The following GPM6B variants were observed in gnomAD, a reference collection of about 807,000 sequenced individuals.
GPM6B encodes neuronal membrane glycoprotein M6-b.
Under a neutral mutation model 27.2 loss-of-function variants are expected in GPM6B, and 4 were observed. That is an observed-to-expected ratio of 0.15 (90% CI 0.07 to 0.34). GPM6B has a LOEUF of 0.34. Ranked by LOEUF, GPM6B falls within the 10% of genes least tolerant of loss-of-function variation. GPM6B has a pLI of 1.00. For synonymous variants in GPM6B, 124 were observed against 103.1 expected (o/e 1.20, Z -1.23); for missense variants, 183 against 261.9 (o/e 0.70, Z 2.08).
intron 1 of GPM6B, among the ~76,000 whole-genome samples, chrX:13,937,785 G>A (rs1019277922): frequency 9.0e-6 from 1 of 111,495 alleles, no homozygotes; most frequent in Non-Finnish European, 1.9e-5. Context: ...CCAGGTTGGA[G>A]ATTTCAGATT....
intron 1 of GPM6B, among the ~76,000 whole-genome samples, chrX:13,832,496 C>T: frequency 9.0e-6 from 1 of 111,619 alleles, no homozygotes; most frequent in Admixed American, 9.6e-5. Context: ...CTAAAGTCTA[C>T]AGAAAACCAG....
chrX:13,898,085 G>T (rs1306545355), intron 1 of GPM6B, among the ~76,000 whole-genome samples: 1 of 111,627 alleles, frequency 9.0e-6, no homozygotes, highest in African/African-American at 3.3e-5. Flanking sequence ...AGGAGAGAGG[G>T]TATCTGTATT....
chrX:13,925,976 A>G (rs979528262), intron 1 of GPM6B, among the ~76,000 whole-genome samples: 5 of 106,765 alleles, frequency 4.7e-5, no homozygotes, highest in Non-Finnish European at 9.6e-5. Context: ...AATGGCGTGA[A>G]CCCAGGAGGC....
intron 2 of GPM6B, among the ~76,000 whole-genome samples, chrX:13,787,540 G>A (rs1029563592): frequency 1.6e-3 from 181 of 111,851 alleles, no homozygotes; most frequent in Non-Finnish European, 1.5e-3. Flanking sequence ...CTGGGCGACA[G>A]AGCAAGACTC....
At chrX:13,871,473 G>A (rs1262768261) in intron 1 of GPM6B, among the ~76,000 whole-genome samples, 1 of 112,116 alleles carries the variant, frequency 8.9e-6, no homozygotes, top group Non-Finnish European at 1.9e-5. Context: ...GCTCATGTGA[G>A]CCAGGGATGA....
At chrX:13,859,882 A>G (rs1443063268) in intron 1 of GPM6B, among the ~76,000 whole-genome samples, 1 of 112,002 alleles carries the variant, frequency 8.9e-6, no homozygotes, top group African/African-American at 3.2e-5. Flanking sequence ...TAGTGCTGGA[A>G]AGTAAGGATG....
At position 13,850,247 on chromosome X, in the gene GPM6B, T is replaced by C. The variant is rs1603078770; in HGVS notation, c.-197-64439A>G. 3.6e-5 allele frequency among the ~76,000 whole-genome samples: 4 copies of C among 111,686 alleles called. No individual in the cohort carries two copies. The South Asian group carries it at 1.5e-3, about 42-fold the overall frequency. ...AGGGAGTGAGTGGGTTCTTCCTCTG[T>C]TAGCTCCTGAGAGAGCTGGTTGTTA... On this transcript the variant is annotated intron_variant, in intron 1 of 6. Transcript: ENST00000398361.
At chrX:13,810,734 A>C (rs1185815360) in intron 1 of GPM6B, among the ~76,000 whole-genome samples, 1 of 103,804 alleles carries the variant, frequency 9.6e-6, no homozygotes, top group African/African-American at 3.6e-5. Flanking sequence ...AAGACCCTTA[A>C]TTCAGGATTT....
intron 1 of GPM6B, among the ~76,000 whole-genome samples, chrX:13,890,945 C>T (rs766396240): frequency 5.4e-5 from 6 of 110,715 alleles, no homozygotes; most frequent in East Asian, 5.7e-4. Flanking sequence ...CCATCTGAGG[C>T]GTTTAAAAAA....
chrX:13,794,608 C>T (rs1210789262), intron 2 of GPM6B, among the ~76,000 whole-genome samples: 1 of 111,895 alleles, frequency 8.9e-6, no homozygotes, highest in Non-Finnish European at 1.9e-5. Context: ...ACTGCTGATG[C>T]CTGAGCGTGA....
intron 1 of GPM6B, among the ~76,000 whole-genome samples, chrX:13,900,744 A>C (rs766514912): frequency 2.7e-4 from 30 of 112,202 alleles, no homozygotes; most frequent in Admixed American, 2.0e-3. Context: ...TCTCTAAAAA[A>C]AGCGGGATCT....
chrX:13,813,526 G>T (rs1450553748), intron 1 of GPM6B, among the ~76,000 whole-genome samples: 1 of 111,681 alleles, frequency 9.0e-6, no homozygotes, highest in East Asian at 2.8e-4. Flanking sequence ...TGTTTCAGTA[G>T]AATTCAATTA....
At chrX:13,850,760 G>T (rs2049706121) in intron 1 of GPM6B, among the ~76,000 whole-genome samples, 1 of 112,200 alleles carries the variant, frequency 8.9e-6, no homozygotes, top group African/African-American at 3.2e-5. Context: ...TAGTCTTTAG[G>T]ACATGCAATG....
intron 1 of GPM6B, among the ~76,000 whole-genome samples, chrX:13,870,724 T>A (rs2049966374): frequency 8.9e-6 from 1 of 112,042 alleles, no homozygotes; most frequent in Non-Finnish European, 1.9e-5. Context: ...AACATGTGTG[T>A]GAAGAAAAGT....
At chrX:13,828,047 C>T (rs1287140091) in intron 1 of GPM6B, among the ~76,000 whole-genome samples, 6 of 111,321 alleles carry the variant, frequency 5.4e-5, no homozygotes, top group African/African-American at 2.0e-4. Flanking sequence ...TCCACCCCTC[C>T]TACAGTGCTC....
chrX:13,774,260 G>T, intron 7 of GPM6B: 1 of 828,076 alleles, frequency 1.2e-6, no homozygotes, highest in Non-Finnish European at 1.5e-6. Flanking sequence ...TAAAGATACT[G>T]CTCTCTAATG....
chrX:13,879,467 G>A (rs887950218), intron 1 of GPM6B, among the ~76,000 whole-genome samples: 1 of 112,055 alleles, frequency 8.9e-6, no homozygotes, highest in Non-Finnish European at 1.9e-5. Context: ...TGTTAAATTC[G>A]ACTCAGGGAG....
chrX:13,862,018 G>A (rs1169485910), intron 1 of GPM6B, among the ~76,000 whole-genome samples: 2 of 111,284 alleles, frequency 1.8e-5, no homozygotes, highest in Non-Finnish European at 3.8e-5. Flanking sequence ...TCTAAAGGTA[G>A]AGGTGAGTGT....
chrX:13,842,273 G>A (rs1569251993), intron 1 of GPM6B, among the ~76,000 whole-genome samples: 1 of 112,080 alleles, frequency 8.9e-6, no homozygotes, highest in Non-Finnish European at 1.9e-5. Flanking sequence ...TAAAATAAAA[G>A]TGTAATTTTC....
Sources: gnomAD v4.1 joint callset for allele counts (sites outside exome capture counted in the v4.1 genomes callset) on GRCh38, gnomAD v4.1.1 for gene constraint, MANE v1.5 for transcripts, NCBI Gene and HGNC (gene_info 2026-07-23, HGNC 2026-07-21) for gene names.